The following ILKAP variants were observed in gnomAD, a reference collection of about 807,000 sequenced individuals.
ILKAP encodes the protein integrin-linked kinase-associated serine/threonine phosphatase 2C.
ILKAP carries 11 observed loss-of-function variants against 49.1 expected under a neutral mutation model. That is an observed-to-expected ratio of 0.22 (90% confidence interval 0.14 to 0.37). The LOEUF (loss-of-function observed/expected upper bound fraction) is 0.37, where lower values mean the gene tolerates loss of function less well. Ranked by LOEUF, ILKAP falls within the 10% of genes least tolerant of loss-of-function variation. ILKAP has a pLI of 1.00. For missense variants in ILKAP, 363 were observed against 510.8 expected, an observed-to-expected ratio of 0.71 and a Z score of 2.79; for synonymous variants, 186 against 192.8, an observed-to-expected ratio of 0.96 and a Z score of 0.29.
intron 7 of ILKAP, 31 bp from the exon 8 acceptor site, chr2:238,183,771 C>A: frequency 2.7e-6 from 4 of 1,506,326 alleles, no homozygotes; most frequent in Non-Finnish European, 3.7e-6. Flanking sequence ...AACACAGTCA[C>A]CACCAATAGC....
intron 6 of ILKAP, among the ~76,000 whole-genome samples, chr2:238,184,798 A>T (rs1166895694): frequency 6.6e-6 from 1 of 151,536 alleles, no homozygotes; most frequent in East Asian, 1.9e-4. Flanking sequence ...CCTGGGCTTG[A>T]GTGATCTTCT....
At chr2:238,173,779 AACC>A in intron 9 of ILKAP, 126 bp from the exon 10 acceptor site, 1 of 1,120,676 alleles carries the variant, frequency 8.9e-7, no homozygotes, top group African/African-American at 1.6e-5. Flanking sequence ...TCACATTATT[AACC>A]ACTACTGACA....
chr2:238,181,923 T>C (rs1323007395), intron 9 of ILKAP, 142 bp downstream of exon 9: 6 of 831,878 alleles, frequency 7.2e-6, no homozygotes, highest in African/African-American at 3.4e-5. Flanking sequence ...CATCCACCTA[T>C]GTCACCAGTG....
rs979284733 is a variant in ILKAP at position 238,185,048 on chromosome 2, C to T, written c.532+133G>A. 44 of 623,260 alleles carry T rather than the reference C, an allele frequency of 7.1e-5. No homozygotes were observed. The South Asian group carries it at 8.7e-4, about 12-fold the overall frequency. 38.6% of individuals were successfully genotyped at this position (623,260 alleles called of 1,614,324 possible). A position where few individuals can be genotyped will look rare whatever the true frequency, so the allele number is the denominator to read the frequency against. On this transcript the variant is annotated intron_variant, in intron 6 of 11. Transcript: ENST00000254654. ...ACTCCTGGAAGCCTTGGCATCCACT[C>T]CTCAGCACCACTCTTTTAAGACTCA...
intron 3 of ILKAP, among the ~76,000 whole-genome samples, chr2:238,192,397 C>T (rs576888545): frequency 9.9e-5 from 15 of 151,864 alleles, no homozygotes; most frequent in Non-Finnish European, 1.5e-5. Flanking sequence ...TGGTTCCTGC[C>T]CGCTTAAGAA....
intron 10 of ILKAP, among the ~76,000 whole-genome samples, chr2:238,171,248 C>T (rs916748837): frequency 4.6e-5 from 7 of 151,660 alleles, no homozygotes; most frequent in Non-Finnish European, 1.0e-4. Context: ...CAACCTCCAC[C>T]TTCCCAGTTT....
intron 1 of ILKAP, among the ~76,000 whole-genome samples, chr2:238,197,447 G>A (rs1050364043): frequency 1.3e-5 from 2 of 152,126 alleles, no homozygotes; most frequent in African/African-American, 4.8e-5. Flanking sequence ...AACATGAAGA[G>A]CAAACAACCC....
chr2:238,170,762 G>A, intron 11 of ILKAP, 86 bp from the exon 12 acceptor site: 2 of 1,591,736 alleles, frequency 1.3e-6, no homozygotes, highest in Non-Finnish European at 1.7e-6. Flanking sequence ...AAGAAGAGCT[G>A]CTCTGGTCTC....
chr2:238,201,301 T>C (rs1283407093), intron 1 of ILKAP, among the ~76,000 whole-genome samples: 2 of 152,248 alleles, frequency 1.3e-5, no homozygotes, highest in South Asian at 2.1e-4. Context: ...CCTGCAATGA[T>C]AACTATGGAT....
chr2:238,186,442 G>A (rs532196194), intron 5 of ILKAP: 1 of 152,380 alleles, frequency 6.6e-6, no homozygotes, highest in East Asian at 1.9e-4. Flanking sequence ...AGACCAGCCT[G>A]GGCAACATAG....
At chr2:238,197,127 C>A (rs532249051) in intron 1 of ILKAP, among the ~76,000 whole-genome samples, 3 of 152,288 alleles carry the variant, frequency 2.0e-5, no homozygotes, top group Non-Finnish European at 4.4e-5. Context: ...ACCTGGGAGG[C>A]GGAGGTTGCG....
At chr2:238,199,879 C>A (rs919238351) in intron 1 of ILKAP, among the ~76,000 whole-genome samples, 13 of 151,866 alleles carry the variant, frequency 8.6e-5, no homozygotes, top group Non-Finnish European at 1.9e-4. Context: ...TCCCCCAAAG[C>A]GCTGGGATTA....
intron 10 of ILKAP, among the ~76,000 whole-genome samples, chr2:238,173,237 T>C (rs1305621654): frequency 6.6e-6 from 1 of 152,152 alleles, no homozygotes; most frequent in East Asian, 1.9e-4. Context: ...GTGTTCCCTC[T>C]GCCAGGAAGC....
rs533909071 is a variant in ILKAP at position 238,183,463 on chromosome 2, C to T, written c.714+190G>A. Among the ~76,000 whole-genome samples the T allele has an allele frequency of 2.0e-5, 3 of 152,202 alleles. No homozygotes were observed. In the South Asian group the frequency reaches 6.2e-4, roughly 31 times the overall value. On this transcript the variant is annotated intron_variant, in intron 8 of 11. Coordinates refer to ENST00000254654, the MANE Select transcript of ILKAP (RefSeq NM_030768.3). The stretch of plus-strand genomic sequence containing the variant: ...CATAGGGCGTAAGTTCCCCAGAGAA[C>T]AAACAGCCTCTAGCTGAGTTGCTGT...
chr2:238,195,397 T>G (rs1247200025), intron 1 of ILKAP, among the ~76,000 whole-genome samples: 1 of 151,136 alleles, frequency 6.6e-6, no homozygotes, highest in African/African-American at 2.4e-5. Flanking sequence ...CCCAGCACAG[T>G]GTCTGATTCA....
At chr2:238,173,428 C>T in intron 10 of ILKAP, 106 bp downstream of exon 10, 1 of 1,442,096 alleles carries the variant, frequency 6.9e-7, no homozygotes, top group Non-Finnish European at 9.5e-7. Flanking sequence ...CAGGGCCTAG[C>T]ACCATGCACA....
chr2:238,203,499 C>T lies in ILKAP; in HGVS notation c.55G>A (p.Gly19Arg), dbSNP rs1574816421. ...CCGGCCCGGCGGCAACGCCGCTTAC[C>T]GGCAGCCGGGCGCGGCGAGCGCTCG... The part of the protein sequence containing the change: ...EPERSPRPAA[G>R]KEAQKGPLLF... The change falls in exon 1 of 12, where the codon GGG becomes AGG. Residue 19 changes from glycine (G) to arginine (R), a missense_variant and splice_region_variant. Transcript: ENST00000254654. 2 of 1,253,522 alleles carry T rather than the reference C, an allele frequency of 1.6e-6. No individual in the cohort carries two copies. The highest frequency in any genetic ancestry group is 2.0e-5 in the South Asian group (1 of 50,700). The allele number at this position is 1,253,522 out of a possible 1,614,324, so 77.6% of individuals were successfully genotyped here.
At chr2:238,197,542 G>A (rs756525730) in intron 1 of ILKAP, among the ~76,000 whole-genome samples, 3 of 152,268 alleles carry the variant, frequency 2.0e-5, no homozygotes, top group Admixed American at 6.5e-5. Flanking sequence ...GTACAAGGGA[G>A]GAAGTCTTCT....
intron 1 of ILKAP, among the ~76,000 whole-genome samples, chr2:238,197,889 TATTATTATTTACCGATGAAAAA>T (rs976066837): frequency 1.3e-5 from 2 of 152,188 alleles, no homozygotes; most frequent in African/African-American, 4.8e-5. Context: ...AGATAGGTAC[TATTATTATTTACCGATGAAAAA>T]ACTGAGGCAC....
Sources: allele counts gnomAD v4.1 joint callset (sites outside exome capture counted in the v4.1 genomes callset), GRCh38; gene constraint gnomAD v4.1.1; transcripts MANE v1.5; gene names NCBI Gene and HGNC (gene_info 2026-07-23, HGNC 2026-07-21).